The following PDE7B variants were observed in gnomAD, a reference collection of about 807,000 sequenced individuals.
The protein encoded by PDE7B is phosphodiesterase 7B.
A neutral mutation model predicts 56.2 loss-of-function variants in PDE7B; 29 were observed. The ratio of observed to expected loss-of-function variants is 0.52; its 90% confidence interval spans 0.38 to 0.70. The LOEUF (loss-of-function observed/expected upper bound fraction) is 0.70. Among genes scored for constraint, PDE7B ranks in the 30% least tolerant of loss-of-function variants. The probability of loss-of-function intolerance (pLI) is 0.00; values close to 1 mark genes in which losing one functional copy is unlikely to be tolerated. For synonymous variants in PDE7B, 197 were observed against 196.9 expected, an observed-to-expected ratio of 1.00 and a Z score of 0.00; for missense variants, 490 against 565.0, an observed-to-expected ratio of 0.87 and a Z score of 1.35.
chr6:136,081,577 T>C (rs935202372), intron 2 of PDE7B, among the ~76,000 whole-genome samples: 6 of 152,230 alleles, frequency 3.9e-5, no homozygotes, highest in Non-Finnish European at 7.3e-5. Context: ...ATTCTCATTA[T>C]TCTAGAAAGC....
Position 135,853,836 on chromosome 6 carries a change from T to C in PDE7B, c.21+1817T>C, listed in dbSNP as rs189479078. Reference sequence around the variant, plus strand: ...TACACGAGTGCATCATTTAATGCCTTACACAGGGTTCAGCACAAAGCTACT... The same window carrying C: ...TACACGAGTGCATCATTTAATGCCTCACACAGGGTTCAGCACAAAGCTACT... On this transcript the variant is annotated intron_variant, in intron 1 of 12. Coordinates refer to ENST00000308191, the MANE Select transcript of PDE7B (RefSeq NM_018945.4). Among the ~76,000 whole-genome samples the C allele has an allele frequency of 1.2e-4, 19 of 152,304 alleles. No individual in the cohort carries two copies. In the East Asian group the frequency reaches 2.3e-3, roughly 19 times the overall value.
At chr6:135,981,017 A>G (rs1334350227) in intron 2 of PDE7B, among the ~76,000 whole-genome samples, 2 of 148,848 alleles carry the variant, frequency 1.3e-5, no homozygotes, top group African/African-American at 4.9e-5. Flanking sequence ...CACAATAGCA[A>G]AGACTTGGAA....
At chr6:135,994,116 CTGTG>C (rs3220309) in intron 2 of PDE7B, among the ~76,000 whole-genome samples, 33,155 of 138,258 alleles carry the variant, frequency 0.24, 3,906 homozygotes, top group Non-Finnish European at 0.28. Context: ...TGTATTGGAT[CTGTG>C]TGTGTGTGTG....
At chr6:136,013,251 C>T (rs1467923546) in intron 2 of PDE7B, among the ~76,000 whole-genome samples, 1 of 152,126 alleles carries the variant, frequency 6.6e-6, no homozygotes, top group Non-Finnish European at 1.5e-5. Context: ...ATGCAATAAG[C>T]TAAATCAAAA....
chr6:136,003,867 C>T (rs913828179), intron 2 of PDE7B, among the ~76,000 whole-genome samples: 1 of 152,100 alleles, frequency 6.6e-6, no homozygotes, highest in African/African-American at 2.4e-5. Flanking sequence ...CCAGCATCAT[C>T]CTGATACCAA....
At chr6:135,981,099 C>A (rs1250131772) in intron 2 of PDE7B, among the ~76,000 whole-genome samples, 8 of 151,088 alleles carry the variant, frequency 5.3e-5, no homozygotes, top group Admixed American at 3.3e-4. Context: ...GAATACTATG[C>A]AGCCATAAAA....
At chr6:135,949,123 G>A (rs1312853685) in intron 2 of PDE7B, among the ~76,000 whole-genome samples, 3 of 152,044 alleles carry the variant, frequency 2.0e-5, no homozygotes, top group Non-Finnish European at 4.4e-5. Flanking sequence ...GAGGGAAATG[G>A]TTGAATACTG....
chr6:136,143,947 T>C (rs1778369940), intron 3 of PDE7B, among the ~76,000 whole-genome samples: 1 of 152,114 alleles, frequency 6.6e-6, no homozygotes, highest in African/African-American at 2.4e-5. Flanking sequence ...GAGTTTATTA[T>C]ATAAATATAG....
intron 8 of PDE7B, among the ~76,000 whole-genome samples, chr6:136,160,664 C>T (rs1026716125): frequency 6.6e-6 from 1 of 152,108 alleles, no homozygotes; most frequent in African/African-American, 2.4e-5. Context: ...CTGCTTAAAA[C>T]CCTACCATGC....
At chr6:135,933,127 G>A (rs1774324028) in intron 1 of PDE7B, among the ~76,000 whole-genome samples, 1 of 152,130 alleles carries the variant, frequency 6.6e-6, no homozygotes, top group South Asian at 2.1e-4. Flanking sequence ...AGTGGAGTTG[G>A]GATTCAAACT....
At chr6:135,852,798 A>C (rs1449959578) in intron 1 of PDE7B, among the ~76,000 whole-genome samples, 3 of 152,200 alleles carry the variant, frequency 2.0e-5, no homozygotes, top group South Asian at 2.1e-4. Context: ...TTAGGGGCTT[A>C]AGTGATTGAG....
At chr6:136,086,161 G>T (rs1294419108) in intron 2 of PDE7B, among the ~76,000 whole-genome samples, 2 of 152,154 alleles carry the variant, frequency 1.3e-5, no homozygotes, top group African/African-American at 4.8e-5. Flanking sequence ...TCTGTTTTCT[G>T]TAGTTGGATT....
At chr6:136,106,140 A>T (rs1429655696) in intron 2 of PDE7B, among the ~76,000 whole-genome samples, 1 of 152,228 alleles carries the variant, frequency 6.6e-6, no homozygotes, top group Non-Finnish European at 1.5e-5. Context: ...TTACAGCAAC[A>T]GGTCAACAAA....
chr6:136,008,385 T>C (rs1436970892), intron 2 of PDE7B, among the ~76,000 whole-genome samples: 3 of 152,230 alleles, frequency 2.0e-5, no homozygotes, highest in African/African-American at 7.2e-5. Context: ...TATTTCTAGT[T>C]CTAGATCCCT....
rs138188659 is a variant in PDE7B at position 136,109,847 on chromosome 6, T to A, written c.166+1033T>A. 3.9e-5 allele frequency among the ~76,000 whole-genome samples: 6 copies of A among 152,278 alleles called. No homozygotes were observed. In the East Asian group the frequency reaches 1.2e-3, roughly 29 times the overall value. ...AGAGCAAGTGGATAAATTTCACAAT[T>A]TGCTCCAAGGTTTTCAGTGTTTGGT... On this transcript the variant is annotated intron_variant, in intron 3 of 12. Coordinates refer to ENST00000308191, the MANE Select transcript of PDE7B (RefSeq NM_018945.4).
intron 12 of PDE7B, among the ~76,000 whole-genome samples, chr6:136,188,835 A>G (rs1020560283): frequency 2.0e-5 from 3 of 152,196 alleles, no homozygotes; most frequent in African/African-American, 7.2e-5. Flanking sequence ...GCACACCAAT[A>G]ATAAAGAGAA....
chr6:135,899,901 A>C (rs979070910), intron 1 of PDE7B, among the ~76,000 whole-genome samples: 1 of 152,118 alleles, frequency 6.6e-6, no homozygotes, highest in Non-Finnish European at 1.5e-5. Context: ...TTTTGTTAAC[A>C]TCCTTTAATG....
At chr6:136,038,373 C>G (rs953249474) in intron 2 of PDE7B, 2 of 1,291,668 alleles carry the variant, frequency 1.5e-6, no homozygotes, top group Admixed American at 2.3e-5. Context: ...CCCTCCTCCC[C>G]GGGAAGCCGG....
intron 1 of PDE7B, among the ~76,000 whole-genome samples, chr6:135,900,237 A>C (rs1028746458): frequency 6.6e-6 from 1 of 152,080 alleles, no homozygotes; most frequent in African/African-American, 2.4e-5. Flanking sequence ...TTAGCATGTG[A>C]ATCTTTTTAG....
Sources: allele counts gnomAD v4.1 joint callset (sites outside exome capture counted in the v4.1 genomes callset), GRCh38; gene constraint gnomAD v4.1.1; transcripts MANE v1.5; gene names NCBI Gene and HGNC (gene_info 2026-07-23, HGNC 2026-07-21).